Variants in TEX9 observed in about 807,000 individuals in gnomAD.
The protein encoded by TEX9 is testis-expressed protein 9.
In TEX9, 74 loss-of-function variants were observed where a neutral mutation model predicts 59.6. That is an observed-to-expected ratio of 1.24 (90% CI 1.03 to 1.51). TEX9 has a LOEUF of 1.51. Ranked by LOEUF, TEX9 falls within the 40% of genes most tolerant of loss-of-function variation. The pLI, the probability that TEX9 is intolerant of heterozygous loss-of-function variation, is 0.00. For synonymous variants in TEX9, 186 were observed against 152.2 expected (o/e 1.22, Z -1.64); for missense variants, 522 against 447.8 (o/e 1.17, Z -1.49).
chr15:56,263,529 A>T (rs1443382013), intron 1 of TEX9, among the ~76,000 whole-genome samples: 1 of 150,618 alleles, frequency 6.6e-6, no homozygotes, highest in Non-Finnish European at 1.5e-5. Context: ...TTCTTTCTTT[A>T]TTCGTTGTTC....
At chr15:56,285,802 A>T (rs773296256) in intron 1 of TEX9, among the ~76,000 whole-genome samples, 5 of 152,222 alleles carry the variant, frequency 3.3e-5, no homozygotes, top group Non-Finnish European at 7.3e-5. Context: ...AGGCAACATA[A>T]AAAATTATAG....
chr15:56,287,848 G>C (rs535556589), intron 1 of TEX9, among the ~76,000 whole-genome samples: 100 of 152,246 alleles, frequency 6.6e-4, no homozygotes, highest in African/African-American at 2.2e-3. Flanking sequence ...ACAAATGACA[G>C]GGTTTCCTTC....
chr15:56,266,227 A>G (rs999541522), intron 1 of TEX9, among the ~76,000 whole-genome samples: 6 of 151,848 alleles, frequency 4.0e-5, no homozygotes, highest in African/African-American at 1.5e-4. Context: ...CCTGGGTTTA[A>G]GCAATTCTCC....
intron 3 of TEX9, among the ~76,000 whole-genome samples, chr15:56,375,756 A>G (rs2047411035): frequency 6.6e-6 from 1 of 152,132 alleles, no homozygotes. Context: ...ATGCTGCTAT[A>G]AAGACACATG....
At chr15:56,250,881 A>G (rs1033791277) in intron 1 of TEX9, among the ~76,000 whole-genome samples, 1 of 152,240 alleles carries the variant, frequency 6.6e-6, no homozygotes, top group Non-Finnish European at 1.5e-5. Context: ...AATTAACCAC[A>G]TCTGCAAAAT....
chr15:56,300,475 G>C (rs768442113), intron 1 of TEX9, among the ~76,000 whole-genome samples: 2 of 151,946 alleles, frequency 1.3e-5, no homozygotes, highest in Non-Finnish European at 2.9e-5. Flanking sequence ...GGCTGGATTT[G>C]CCTTCTAGAC....
rs77645414 is a variant in TEX9 at position 56,441,311 on chromosome 15, A to C, written c.*30-4360A>C. On this transcript the variant is annotated intron_variant, in intron 12 of 12. Transcript: ENST00000352903. The stretch of plus-strand genomic sequence containing the variant: ...GACTTCCTTTATGTCCTAGAATATG[A>C]TCTATCTCGGTGAAGGTTCCATGTT... Among the ~76,000 whole-genome samples, 63 of 151,710 alleles carry C rather than the reference A, an allele frequency of 4.2e-4. 1 individual carries two copies. The East Asian group carries it at 0.012, about 28-fold the overall frequency.
downstream of TEX9, among the ~76,000 whole-genome samples, chr15:56,446,596 T>C (rs808731): frequency 0.036 from 5,464 of 152,110 alleles, 249 homozygotes; most frequent in African/African-American, 0.1. Context: ...TTAGAGACTA[T>C]AAAGAATGCT....
chr15:56,248,060 G>A (rs1022970963), intron 1 of TEX9, among the ~76,000 whole-genome samples: 18 of 152,116 alleles, frequency 1.2e-4, no homozygotes, highest in African/African-American at 3.9e-4. Context: ...CAAAGTGCAA[G>A]TAGTCCTAGG....
At chr15:56,452,188 T>A in the TEX9 span, among the ~76,000 whole-genome samples, 1 of 152,178 alleles carries the variant, frequency 6.6e-6, no homozygotes, top group Non-Finnish European at 1.5e-5. Context: ...GGACTCAGCA[T>A]ATAGTTATAC....
intron 1 of TEX9, among the ~76,000 whole-genome samples, chr15:56,339,383 CAAAAA>C (rs71456382): frequency 8.1e-4 from 25 of 30,766 alleles, no homozygotes; most frequent in African/African-American, 1.9e-3. Flanking sequence ...ACTCCTTCTC[CAAAAA>C]AAAAAAAAAA....
intron 9 of TEX9, among the ~76,000 whole-genome samples, chr15:56,400,981 G>A (rs1228640888): frequency 6.6e-6 from 1 of 151,990 alleles, no homozygotes; most frequent in Non-Finnish European, 1.5e-5. Flanking sequence ...CCTGAAGAAA[G>A]CATTAAACAT....
chr15:56,339,400 A>ACAAACAAC (rs1172618547), intron 1 of TEX9, among the ~76,000 whole-genome samples: 2 of 135,246 alleles, frequency 1.5e-5, no homozygotes, highest in African/African-American at 5.2e-5. Context: ...AAAAAAAAAA[A>ACAAACAAC]AAAAAAAAAA....
chr15:56,323,164 T>G (rs2045940766), intron 1 of TEX9: 1 of 217,746 alleles, frequency 4.6e-6, no homozygotes, highest in South Asian at 7.9e-5. Context: ...CTCATATGCA[T>G]TCTTTGTGCA....
intron 12 of TEX9, among the ~76,000 whole-genome samples, chr15:56,430,916 T>C (rs558597178): frequency 6.6e-6 from 1 of 152,056 alleles, no homozygotes; most frequent in African/African-American, 2.4e-5. Flanking sequence ...CACCCAGCAC[T>C]TGGGGAGGCT....
rs189107767 is a variant in TEX9 at position 56,404,425 on chromosome 15, C to T, written c.829-7877C>T. 2.6e-5 allele frequency among the ~76,000 whole-genome samples: 4 copies of T among 152,260 alleles called. No individual in the cohort carries two copies. The East Asian group carries it at 5.8e-4, about 22-fold the overall frequency. ...TCATTAGAGGAATGCAAATCAAAAC[C>T]GCAATGAGATACCATTTCACACCAG... On this transcript the variant is annotated intron_variant, in intron 9 of 12. Transcript: ENST00000352903.
At chr15:56,275,829 T>C (rs1230228481) in intron 1 of TEX9, among the ~76,000 whole-genome samples, 1 of 152,150 alleles carries the variant, frequency 6.6e-6, no homozygotes, top group Non-Finnish European at 1.5e-5. Context: ...AAATTGTATC[T>C]TTTTTTCTTA....
At chr15:56,390,029 T>C (rs1250336456) in intron 6 of TEX9, among the ~76,000 whole-genome samples, 1 of 151,970 alleles carries the variant, frequency 6.6e-6, no homozygotes, top group Non-Finnish European at 1.5e-5. Context: ...GATCATTGTA[T>C]TGTAATTCTG....
intron 3 of TEX9, among the ~76,000 whole-genome samples, chr15:56,379,551 A>T (rs976070505): frequency 6.6e-6 from 1 of 152,182 alleles, no homozygotes; most frequent in African/African-American, 2.4e-5. Context: ...GTAAATGTCT[A>T]TTGGGTCCAC....
Sources: gnomAD v4.1 joint callset for allele counts (sites outside exome capture counted in the v4.1 genomes callset) on GRCh38, gnomAD v4.1.1 for gene constraint, MANE v1.5 for transcripts, NCBI Gene and HGNC (gene_info 2026-07-23, HGNC 2026-07-21) for gene names.